CCNY: variants seen among roughly 807,000 people sequenced by gnomAD.
CCNY encodes the protein cyclin Y, also known as cyclin-Y.
In CCNY, 19 loss-of-function variants were observed where a neutral mutation model predicts 42.8. The observed-to-expected ratio is 0.44, with a 90% confidence interval of 0.31 to 0.65. The LOEUF (loss-of-function observed/expected upper bound fraction) is 0.65. CCNY is among the 30% of genes least tolerant of loss of function. CCNY has a pLI of 0.07. For synonymous variants in CCNY, 165 were observed against 162.7 expected, an observed-to-expected ratio of 1.01 and a Z score of -0.11; for missense variants, 370 against 437.3, an observed-to-expected ratio of 0.85 and a Z score of 1.37.
intron 1 of CCNY, among the ~76,000 whole-genome samples, chr10:35,444,805 G>A (rs966203860): frequency 1.3e-5 from 2 of 152,172 alleles, no homozygotes; most frequent in South Asian, 2.1e-4. Context: ...AGAAAGCAAC[G>A]TGGAGAATGG....
chr10:35,260,153 T>G (rs2095718539), intron 3 of CCNY, among the ~76,000 whole-genome samples: 1 of 152,174 alleles, frequency 6.6e-6, no homozygotes, highest in South Asian at 2.1e-4. Flanking sequence ...CTCTCCCCCA[T>G]GCCTCTTGTG....
At chr10:35,568,922 G>T (rs1841626577) in intron 9 of CCNY, 132 bp from the exon 10 acceptor site, 2 of 668,928 alleles carry the variant, frequency 3.0e-6, no homozygotes, top group East Asian at 5.0e-5. Flanking sequence ...AGAGAGCTGG[G>T]CTCTGGGCCG....
intron 7 of CCNY, among the ~76,000 whole-genome samples, chr10:35,535,310 C>T (rs762827679): frequency 7.2e-5 from 11 of 152,034 alleles, no homozygotes; most frequent in Admixed American, 1.3e-4. Context: ...CTAGATGTTC[C>T]AGTAGATAAC....
At chr10:35,373,097 G>GT (rs1836974401) in intron 1 of CCNY, among the ~76,000 whole-genome samples, 2 of 152,246 alleles carry the variant, frequency 1.3e-5, no homozygotes, top group Non-Finnish European at 1.5e-5. Flanking sequence ...ATAAAATGTA[G>GT]TAAGAAAACT....
upstream of CCNY, among the ~76,000 whole-genome samples, chr10:35,331,763 T>C (rs1175271100): frequency 2.6e-5 from 4 of 152,208 alleles, no homozygotes; most frequent in Non-Finnish European, 2.9e-5. Flanking sequence ...TCTAATTTCA[T>C]ATAAATATAT....
intron 1 of CCNY, among the ~76,000 whole-genome samples, chr10:35,373,266 T>C (rs1019903294): frequency 6.6e-6 from 1 of 152,124 alleles, no homozygotes; most frequent in Non-Finnish European, 1.5e-5. Flanking sequence ...TTAGGGCTGT[T>C]AGGAGAATAA....
rs773970020 is a variant in CCNY at position 35,571,372 on chromosome 10, A to G, written c.*2202A>G. 1.3e-5 allele frequency: 2 copies of G among 152,374 alleles called. No homozygotes were observed. The highest frequency in any genetic ancestry group is 2.4e-5 in the African/African-American group (1 of 41,466). 9.4% of individuals were successfully genotyped at this position (152,374 alleles called of 1,614,324 possible). A position where few individuals can be genotyped will look rare whatever the true frequency, so the allele number is the denominator to read the frequency against. ...TGTATGTACATACAGTCTGATACCT[A>G]AAATTTAAAGTGGATTCCATAAAAC... On this transcript the variant is annotated 3_prime_UTR_variant, in exon 10 of 10. Coordinates refer to ENST00000374704, the MANE Select transcript of CCNY (RefSeq NM_145012.6).
chr10:35,530,136 C>G lies in CCNY; in HGVS notation c.472C>G (p.Pro158Ala). ...TTTTCTTCCCCAGAAATCCGAAGTG[C>G]CACCAGATTATGACAAACACAACCC... ...NLHPLSKSEV[P>A]PDYDKHNPEQ... The change falls in exon 7 of 10, where the codon CCA becomes GCA. Residue 158 changes from proline to alanine, a missense_variant. Pro to Ala is a conservative substitution (Grantham distance 27). Transcript: ENST00000374704. The surrounding 1 kb of genome is among the most constrained non-coding windows in gnomAD (Gnocchi z 4.3). The G allele has an allele frequency of 3.7e-6, 6 of 1,614,166 alleles. No homozygotes were observed. Among genetic ancestry groups the G allele is most frequent in the Non-Finnish European group, 5.1e-6 (6 of 1,180,014 alleles).
In CCNY at chr10:35,462,970, G is replaced by A. The variant is rs147944902; in HGVS notation, c.155-20434G>A. Among the ~76,000 whole-genome samples the A allele has an allele frequency of 8.7e-4, 132 of 152,344 alleles. 1 individual carries two copies. The highest frequency in any genetic ancestry group is 5.7e-3 in the Admixed American group (87 of 15,304). ...AGATATTTGGGGAAATGGTTGCAGC[G>A]GCACTTTTGGAAAGTATAAACTGCT... On this transcript the variant is annotated intron_variant, in intron 1 of 9. Transcript: ENST00000374704.
chr10:35,552,604 A>G (rs1314833008), intron 7 of CCNY, among the ~76,000 whole-genome samples: 1 of 152,224 alleles, frequency 6.6e-6, no homozygotes, highest in East Asian at 1.9e-4. Context: ...CTTATCAACA[A>G]CTGCATGTAT....
chr10:35,454,362 C>A (rs1472527536), intron 1 of CCNY, among the ~76,000 whole-genome samples: 1 of 152,180 alleles, frequency 6.6e-6, no homozygotes, highest in East Asian at 1.9e-4. Flanking sequence ...TCCGCCGTAG[C>A]GGTTCAGCGC....
chr10:35,376,693 C>T (rs956995783), intron 1 of CCNY, among the ~76,000 whole-genome samples: 4 of 152,158 alleles, frequency 2.6e-5, no homozygotes, highest in Admixed American at 1.3e-4. Flanking sequence ...ATGAGGGATG[C>T]TCAGCCTGTA....
Position 35,426,111 on chromosome 10 carries a change from GCACACA to G in CCNY, c.155-57250_155-57245del, listed in dbSNP as rs1055933724. Among the ~76,000 whole-genome samples the G allele has an allele frequency of 2.8e-3, 229 of 80,494 alleles. 1 individual carries two copies. The highest frequency in any genetic ancestry group is 9.7e-3 in the African/African-American group (183 of 18,806). 52.8% of individuals were successfully genotyped at this position (80,494 alleles called of 152,430 possible). A position where few individuals can be genotyped will look rare whatever the true frequency, so the allele number is the denominator to read the frequency against. ...TTCTCCCTTCACTGGTCCAGCACGC[GCACACA>G]CACACACACACACACACACACACAC... is the stretch of plus-strand genomic sequence containing the variant. On this transcript the variant is annotated intron_variant, in intron 1 of 9. Transcript: ENST00000374704.
intron 8 of CCNY, among the ~76,000 whole-genome samples, chr10:35,553,421 G>A (rs1841301019): frequency 6.6e-6 from 1 of 152,106 alleles, no homozygotes; most frequent in Non-Finnish European, 1.5e-5. Flanking sequence ...TTGTGAAACT[G>A]GTTTACAGAA....
chr10:35,500,615 A>T (rs775413908), intron 2 of CCNY, among the ~76,000 whole-genome samples: 16 of 152,246 alleles, frequency 1.1e-4, no homozygotes, highest in Non-Finnish European at 1.8e-4. Context: ...CCTATTCTTC[A>T]TGTCTTTTAC....
intron 3 of CCNY, among the ~76,000 whole-genome samples, chr10:35,270,291 G>C (rs1354327280): frequency 6.6e-6 from 1 of 152,114 alleles, no homozygotes; most frequent in Non-Finnish European, 1.5e-5. Flanking sequence ...CCCTCCAAAA[G>C]GGTGCTCCTC....
chr10:35,442,780 G>T (rs533239892), intron 1 of CCNY, among the ~76,000 whole-genome samples: 1 of 152,156 alleles, frequency 6.6e-6, no homozygotes, highest in South Asian at 2.1e-4. Context: ...ATATACAGTC[G>T]TGTCACTTAA....
chr10:35,363,879 A>G (rs1004467761), intron 1 of CCNY, among the ~76,000 whole-genome samples: 4 of 152,224 alleles, frequency 2.6e-5, no homozygotes, highest in Non-Finnish European at 5.9e-5. Flanking sequence ...GGGTAACTGA[A>G]TGAACATGCT....
In CCNY at chr10:35,571,640, A is replaced by T. The variant is rs1005561850; in HGVS notation, c.*2470A>T. 1.5e-4 allele frequency: 23 copies of T among 152,368 alleles called. No homozygotes were observed. The highest frequency in any genetic ancestry group is 5.1e-4 in the African/African-American group (21 of 41,458). 9.4% of individuals were successfully genotyped at this position (152,368 alleles called of 1,614,324 possible). A position where few individuals can be genotyped will look rare whatever the true frequency, so the allele number is the denominator to read the frequency against. ...TCATTTTCTTTTCTTTTTCTACATG[A>T]TGATGAATAGTTATGTTTTCTTCTC... is the stretch of plus-strand genomic sequence containing the variant. On this transcript the variant is annotated 3_prime_UTR_variant, in exon 10 of 10. Transcript: ENST00000374704.
Sources: gnomAD v4.1 joint callset for allele counts (sites outside exome capture counted in the v4.1 genomes callset) on GRCh38, gnomAD v4.1.1 for gene constraint, Gnocchi (gnomAD v3.1) non-coding constraint, MANE v1.5 for transcripts, NCBI Gene and HGNC (gene_info 2026-07-23, HGNC 2026-07-21) for gene names.